The following RASAL2 variants were observed in gnomAD, a reference collection of about 807,000 sequenced individuals.
RASAL2 encodes RAS protein activator like 2.
A neutral mutation model predicts 128.9 loss-of-function variants in RASAL2; 58 were observed. The ratio of observed to expected loss-of-function variants is 0.45; its 90% CI spans 0.36 to 0.56. The LOEUF (loss-of-function observed/expected upper bound fraction) is 0.56. RASAL2 is among the 20% of genes least tolerant of loss of function. The pLI, the probability that RASAL2 is intolerant of heterozygous loss-of-function variation, is 0.00. For synonymous variants in RASAL2, 561 were observed against 580.8 expected, an observed-to-expected ratio of 0.97 and a Z score of 0.49; for missense variants, 1,360 against 1,601.6, an observed-to-expected ratio of 0.85 and a Z score of 2.57.
At chr1:178,385,944 G>T (rs1468876549) in intron 3 of RASAL2, among the ~76,000 whole-genome samples, 4 of 152,098 alleles carry the variant, frequency 2.6e-5, no homozygotes, top group African/African-American at 9.7e-5. Flanking sequence ...GAAAATTACT[G>T]TACCTATTCA....
intron 3 of RASAL2, among the ~76,000 whole-genome samples, chr1:178,353,326 T>G (rs1368236266): frequency 6.6e-6 from 1 of 152,214 alleles, no homozygotes; most frequent in Admixed American, 6.5e-5. Context: ...TTCTGCCAGA[T>G]ATACTAAATC....
intron 4 of RASAL2, among the ~76,000 whole-genome samples, chr1:178,408,754 T>C (rs1324770084): frequency 6.6e-6 from 1 of 152,134 alleles, no homozygotes; most frequent in Non-Finnish European, 1.5e-5. Flanking sequence ...AAATAAGTTA[T>C]GTTATAGTAC....
At chr1:178,346,117 A>G (rs1670139731) in intron 3 of RASAL2, among the ~76,000 whole-genome samples, 1 of 152,202 alleles carries the variant, frequency 6.6e-6, no homozygotes, top group Non-Finnish European at 1.5e-5. Flanking sequence ...TTTATCTTTC[A>G]TATAGTTTGC....
intron 15 of RASAL2, 121 bp from the exon 16 acceptor site, chr1:178,465,790 GGTTTCTTTT>G: frequency 1.2e-6 from 1 of 803,758 alleles, no homozygotes; most frequent in Non-Finnish European, 1.9e-6. Context: ...CACTGCTTAG[GGTTTCTTTT>G]GTTAAAAAAA....
At chr1:178,374,983 G>A (rs1258138969) in intron 3 of RASAL2, among the ~76,000 whole-genome samples, 2 of 152,066 alleles carry the variant, frequency 1.3e-5, no homozygotes, top group Admixed American at 6.6e-5. Flanking sequence ...CATGAACTAC[G>A]CACAAGTTAA....
At chr1:178,454,790 TGA>T (rs1677646670) in intron 12 of RASAL2, 142 bp downstream of exon 12, 1 of 644,270 alleles carries the variant, frequency 1.6e-6, no homozygotes, top group African/African-American at 1.8e-5. Flanking sequence ...TCATCATTTC[TGA>T]GTAAAATATG....
chr1:178,095,406 C>A (rs1274264343), intron 1 of RASAL2, among the ~76,000 whole-genome samples: 3 of 146,554 alleles, frequency 2.0e-5, no homozygotes, highest in African/African-American at 7.3e-5. Context: ...GCACTAAAAC[C>A]ATGCTGGTTT....
intron 3 of RASAL2, among the ~76,000 whole-genome samples, chr1:178,387,149 G>C (rs1672623842): frequency 6.6e-6 from 1 of 152,158 alleles, no homozygotes; most frequent in Non-Finnish European, 1.5e-5. Context: ...TACACTAGCA[G>C]GTGAGTGGTA....
chr1:178,173,859 G>A (rs908980843), intron 1 of RASAL2, among the ~76,000 whole-genome samples: 7 of 151,506 alleles, frequency 4.6e-5, no homozygotes, highest in Admixed American at 1.3e-4. Flanking sequence ...GAATTTTAAT[G>A]GTTGGGTAAA....
chr1:178,469,865 C>T (rs1369328424), intron 17 of RASAL2, among the ~76,000 whole-genome samples: 1 of 152,162 alleles, frequency 6.6e-6, no homozygotes, highest in Non-Finnish European at 1.5e-5. Context: ...ATTATTCTAC[C>T]AGAGACCCAC....
intron 1 of RASAL2, among the ~76,000 whole-genome samples, chr1:178,180,571 G>T (rs1215867608): frequency 2.0e-5 from 3 of 150,412 alleles, no homozygotes; most frequent in Non-Finnish European, 4.4e-5. Context: ...GGAGGCTGAC[G>T]TGAGAGAATC....
chr1:178,283,669 T>C lies in RASAL2; in HGVS notation c.308T>C (p.Val103Ala). 6.2e-7 allele frequency: 1 copy of C among 1,613,536 alleles called. No individual in the cohort carries two copies. Among genetic ancestry groups the C allele is most frequent in the Non-Finnish European group, 8.5e-7 (1 of 1,179,772 alleles). Residue 103 changes from valine (V) to alanine (A), a missense_variant, in exon 2 of 18, where the codon GTA becomes GCA. Transcript: ENST00000367649. ...KYCILTDSQL[V>A]LLNKEKEIPV... The stretch of plus-strand genomic sequence containing the variant: ...TGCATCCTCACAGACAGCCAGTTGG[T>C]ATTGCTCAACAAGGAGAAGGAGGTG...
chr1:178,253,292 G>A (rs919301629), intron 1 of RASAL2, among the ~76,000 whole-genome samples: 4 of 152,018 alleles, frequency 2.6e-5, no homozygotes, highest in East Asian at 3.9e-4. Flanking sequence ...CAGACTCACC[G>A]TACTCCAATA....
intron 1 of RASAL2, among the ~76,000 whole-genome samples, chr1:178,169,827 C>A (rs1449630480): frequency 6.6e-6 from 1 of 151,882 alleles, no homozygotes; most frequent in Admixed American, 6.6e-5. Flanking sequence ...ATGGGCCTTA[C>A]CAAAAAGCAA....
At chr1:178,404,437 G>A (rs1189760061) in intron 4 of RASAL2, among the ~76,000 whole-genome samples, 1 of 150,972 alleles carries the variant, frequency 6.6e-6, no homozygotes, top group Non-Finnish European at 1.5e-5. Flanking sequence ...CTAGAGCGTA[G>A]TGGTGCCATC....
intron 1 of RASAL2, among the ~76,000 whole-genome samples, chr1:178,251,896 C>T (rs1665071163): frequency 6.6e-6 from 1 of 152,132 alleles, no homozygotes; most frequent in Non-Finnish European, 1.5e-5. Context: ...TAAATTTTAA[C>T]TATTTTAAAT....
At chr1:178,194,130 A>T (rs774227478) in intron 1 of RASAL2, among the ~76,000 whole-genome samples, 2 of 152,188 alleles carry the variant, frequency 1.3e-5, no homozygotes, top group African/African-American at 2.4e-5. Context: ...GAGAACAAGA[A>T]CTATCACCCA....
intron 17 of RASAL2, chr1:178,470,562 G>A: frequency 2.4e-5 from 14 of 583,696 alleles, no homozygotes; most frequent in South Asian, 2.0e-4. Flanking sequence ...TGAGCATGAG[G>A]AGACACTGTG....
intron 1 of RASAL2, among the ~76,000 whole-genome samples, chr1:178,145,212 A>G (rs1660682713): frequency 6.7e-6 from 1 of 149,738 alleles, no homozygotes; most frequent in Non-Finnish European, 1.5e-5. Flanking sequence ...TCCATTGTTT[A>G]TTCAAAAAAC....
Sources: allele counts gnomAD v4.1 joint callset (sites outside exome capture counted in the v4.1 genomes callset), GRCh38; gene constraint gnomAD v4.1.1; transcripts MANE v1.5; gene names NCBI Gene and HGNC (gene_info 2026-07-23, HGNC 2026-07-21).